The following SDCCAG8 variants were observed in gnomAD, a reference collection of about 807,000 sequenced individuals.
The protein encoded by SDCCAG8 is serologically defined colon cancer antigen 8.
In SDCCAG8, 74 loss-of-function variants were observed where a neutral mutation model predicts 101.8. That is an observed-to-expected ratio of 0.73 (90% CI 0.60 to 0.88). The LOEUF is 0.88. Among genes scored for constraint, SDCCAG8 ranks in the 40% least tolerant of loss-of-function variants. SDCCAG8 has a pLI of 0.00. For missense variants in SDCCAG8, 787 were observed against 822.6 expected (o/e 0.96, Z 0.53); for synonymous variants, 281 against 292.9 (o/e 0.96, Z 0.41).
At chr1:243,352,368 A>G (rs1443436188) in intron 12 of SDCCAG8, among the ~76,000 whole-genome samples, 2 of 152,214 alleles carry the variant, frequency 1.3e-5, no homozygotes, top group Admixed American at 1.3e-4. Context: ...AATGTTTGCT[A>G]TATTTTCAGT....
At chr1:243,319,435 G>A (rs1299315600) in intron 9 of SDCCAG8, among the ~76,000 whole-genome samples, 6 of 152,098 alleles carry the variant, frequency 3.9e-5, no homozygotes, top group Admixed American at 6.6e-5. Flanking sequence ...GTGCAATGGC[G>A]CAATCTCAGC....
At chr1:243,490,611 G>T (rs1057486680) in intron 17 of SDCCAG8, among the ~76,000 whole-genome samples, 2 of 152,262 alleles carry the variant, frequency 1.3e-5, no homozygotes, top group African/African-American at 2.4e-5. Context: ...CAGTGGGCAT[G>T]GTGCACGCCT....
intron 5 of SDCCAG8, among the ~76,000 whole-genome samples, chr1:243,292,566 C>T (rs1160933691): frequency 1.3e-5 from 2 of 152,160 alleles, no homozygotes; most frequent in African/African-American, 4.8e-5. Context: ...CACTTCCTAC[C>T]TCTGTGACCC....
At chr1:243,402,897 G>T (rs1171533466) in intron 13 of SDCCAG8, among the ~76,000 whole-genome samples, 1 of 152,156 alleles carries the variant, frequency 6.6e-6, no homozygotes, top group Non-Finnish European at 1.5e-5. Context: ...GGAAGAGAGA[G>T]GAAGCTACCA....
chr1:243,432,681 T>C (rs907343430), intron 16 of SDCCAG8, among the ~76,000 whole-genome samples: 1 of 152,222 alleles, frequency 6.6e-6, no homozygotes, highest in African/African-American at 2.4e-5. Flanking sequence ...TTCAAATCTA[T>C]GTTTTAGAGT....
At chr1:243,294,483 G>GGAGAGAGAGAGAGAGAA (rs2070611724) in intron 6 of SDCCAG8, among the ~76,000 whole-genome samples, 1 of 100,678 alleles carries the variant, frequency 9.9e-6, no homozygotes, top group Non-Finnish European at 2.1e-5. Context: ...TGGGGGGGGG[G>GGAGAGAGAGAGAGAGAA]AGAGAGAGAG....
Position 243,304,662 on chromosome 1 carries a change from A to T in SDCCAG8, c.676-51A>T, listed in dbSNP as rs761866388. 2.2e-5 allele frequency: 22 copies of T among 986,248 alleles called. 1 individual carries two copies. In the South Asian group the frequency reaches 3.2e-4, roughly 14 times the overall value. 61.1% of individuals were successfully genotyped at this position (986,248 alleles called of 1,614,324 possible). On this transcript the variant is annotated intron_variant, in intron 6 of 17. Coordinates refer to ENST00000366541, the MANE Select transcript of SDCCAG8 (RefSeq NM_006642.5). ...TAATATTAAAAATTAAAGTTTACTT[A>T]TAAAATACAGGACATAGAGAAAAAT...
intron 16 of SDCCAG8, among the ~76,000 whole-genome samples, chr1:243,468,903 G>A (rs1204080702): frequency 1.3e-5 from 2 of 152,212 alleles, no homozygotes; most frequent in African/African-American, 4.8e-5. Context: ...CTTCGTATAT[G>A]CTCTGAAGCA....
chr1:243,469,249 G>C lies in SDCCAG8; in HGVS notation c.1986-19765G>C, dbSNP rs183617111. On this transcript the variant is annotated intron_variant, in intron 16 of 17. Transcript: ENST00000366541. ...ATTTGTCATTTTTTTGAGTAGTATA[G>C]CATCCATGGCATGCTTTTTTTGTTA... Among the ~76,000 whole-genome samples the C allele has an allele frequency of 5.9e-5, 9 of 151,886 alleles. No homozygotes were observed. The East Asian group carries it at 1.7e-3, about 29-fold the overall frequency.
At chr1:243,394,803 C>T (rs1265992821) in intron 13 of SDCCAG8, among the ~76,000 whole-genome samples, 1 of 151,648 alleles carries the variant, frequency 6.6e-6, no homozygotes, top group Non-Finnish European at 1.5e-5. Flanking sequence ...AACGGCTTTA[C>T]TCTTCGGTAG....
intron 10 of SDCCAG8, among the ~76,000 whole-genome samples, chr1:243,334,793 G>T (rs1021040946): frequency 1.3e-5 from 2 of 152,024 alleles, no homozygotes; most frequent in Non-Finnish European, 2.9e-5. Context: ...TTGCCATGTT[G>T]CCCAGGCTGA....
chr1:243,404,863 T>G (rs1269144627), intron 13 of SDCCAG8, among the ~76,000 whole-genome samples: 1 of 103,014 alleles, frequency 9.7e-6, no homozygotes, highest in East Asian at 2.6e-4. Flanking sequence ...AGACTTCTTC[T>G]TTTTTTTTTT....
At position 243,417,902 on chromosome 1, in the gene SDCCAG8, A is replaced by G. The variant is rs150813896; in HGVS notation, c.1745-66A>G. On this transcript the variant is annotated intron_variant, in intron 14 of 17. Coordinates refer to ENST00000366541, the MANE Select transcript of SDCCAG8 (RefSeq NM_006642.5). ...GTCTAAGCACTTTACCACTCTATGTATGGAAGCACTGCAGAGCGACAACCA... is the reference window on the plus strand; with the variant it reads ...GTCTAAGCACTTTACCACTCTATGTGTGGAAGCACTGCAGAGCGACAACCA... 9.0e-3 allele frequency: 10,341 copies of G among 1,147,124 alleles called. 73 individuals are homozygous for G. The highest frequency in any genetic ancestry group is 0.018 in the South Asian group (1,434 of 81,430). 71.1% of individuals were successfully genotyped at this position (1,147,124 alleles called of 1,614,324 possible).
intron 17 of SDCCAG8, among the ~76,000 whole-genome samples, chr1:243,492,111 T>C (rs577293335): frequency 2.0e-5 from 3 of 152,050 alleles, no homozygotes; most frequent in Admixed American, 6.6e-5. Context: ...TTCATTATTC[T>C]AATTGTTTCT....
intron 17 of SDCCAG8, among the ~76,000 whole-genome samples, chr1:243,496,619 C>T (rs529463507): frequency 2.6e-5 from 4 of 152,290 alleles, no homozygotes; most frequent in Admixed American, 6.5e-5. Context: ...GTGCGAAGCC[C>T]GGGCAGGTCT....
chr1:243,282,613 T>G (rs2069163517), intron 4 of SDCCAG8, among the ~76,000 whole-genome samples: 1 of 152,214 alleles, frequency 6.6e-6, no homozygotes, highest in Non-Finnish European at 1.5e-5. Context: ...TAGCAATAAA[T>G]TCCATCAATT....
chr1:243,279,446 G>C (rs1257621421), intron 4 of SDCCAG8, among the ~76,000 whole-genome samples: 1 of 152,196 alleles, frequency 6.6e-6, no homozygotes, highest in African/African-American at 2.4e-5. Context: ...CTGCTGCCCA[G>C]CATCATGAGA....
At chr1:243,294,282 T>G (rs2070568820) in intron 6 of SDCCAG8, among the ~76,000 whole-genome samples, 1 of 152,218 alleles carries the variant, frequency 6.6e-6, no homozygotes, top group African/African-American at 2.4e-5. Context: ...ATTTGCTGTC[T>G]TATTTTACTT....
At chr1:243,482,058 T>C (rs1349227649) in intron 16 of SDCCAG8, among the ~76,000 whole-genome samples, 1 of 152,244 alleles carries the variant, frequency 6.6e-6, no homozygotes, top group Non-Finnish European at 1.5e-5. Context: ...TTTGTATGTA[T>C]CACATACAAC....
Sources: gnomAD v4.1 joint callset for allele counts (sites outside exome capture counted in the v4.1 genomes callset) on GRCh38, gnomAD v4.1.1 for gene constraint, MANE v1.5 for transcripts, NCBI Gene and HGNC (gene_info 2026-07-23, HGNC 2026-07-21) for gene names.